The following UROC1 variants were observed in gnomAD, a reference collection of about 807,000 sequenced individuals.
UROC1 encodes urocanate hydratase 1.
Under a neutral mutation model 89.5 loss-of-function variants are expected in UROC1, and 79 were observed. The ratio of observed to expected loss-of-function variants is 0.88; its 90% confidence interval spans 0.74 to 1.06. The LOEUF is 1.06. Among genes scored for constraint, UROC1 ranks in the 50% least tolerant of loss-of-function variants. UROC1 has a pLI of 0.00. For synonymous variants in UROC1, 361 were observed against 354.8 expected (o/e 1.02, Z -0.20); for missense variants, 885 against 907.8 (o/e 0.97, Z 0.32).
At chr3:126,497,539 G>T (rs1202837987) in intron 14 of UROC1, among the ~76,000 whole-genome samples, 1 of 152,224 alleles carries the variant, frequency 6.6e-6, no homozygotes, top group African/African-American at 2.4e-5. Context: ...GGGAGCATGT[G>T]GAGACAGCTT....
chr3:126,482,215 C>CGTGG lies in UROC1; in HGVS notation c.*129_*130insCCAC, dbSNP rs532914244. 9 of 1,392,616 alleles carry CGTGG rather than the reference C, an allele frequency of 6.5e-6. No individual in the cohort carries two copies. The East Asian group carries it at 2.1e-4, about 32-fold the overall frequency. 86.3% of individuals were successfully genotyped at this position (1,392,616 alleles called of 1,614,324 possible). On this transcript the variant is annotated 3_prime_UTR_variant, in exon 20 of 20. Transcript: ENST00000290868. The stretch of plus-strand genomic sequence containing the variant: ...CTGTGGTGGCACCCTGCACAGGGCA[C>CGTGG]CATAAGGGCCACGTGAGGATGTGCG...
Position 126,508,401 on chromosome 3 carries a change from C to T in UROC1, c.411+15G>A. 1.2e-6 allele frequency: 2 copies of T among 1,613,492 alleles called. No homozygotes were observed. Among genetic ancestry groups the T allele is most frequent in the Non-Finnish European group, 1.7e-6 (2 of 1,179,532 alleles). ...AAGGCCAGGGGTGGGGACGAGGCCA[C>T]ACGGTGTGCAGTACCTGAGCCCAGT... On this transcript the variant is annotated intron_variant, in intron 4 of 19. Coordinates refer to ENST00000290868, the MANE Select transcript of UROC1 (RefSeq NM_144639.3).
chr3:126,488,716 A>G (rs770778167), intron 17 of UROC1, among the ~76,000 whole-genome samples: 1 of 152,188 alleles, frequency 6.6e-6, no homozygotes, highest in Non-Finnish European at 1.5e-5. Flanking sequence ...CCAACCTGAA[A>G]CCTGGGGACT....
intron 15 of UROC1, among the ~76,000 whole-genome samples, chr3:126,495,395 T>G (rs747398042): frequency 8.5e-5 from 13 of 152,178 alleles, no homozygotes; most frequent in Non-Finnish European, 1.5e-4. Context: ...CATGGAACCA[T>G]GCAGTATTTG....
chr3:126,515,979 C>T (rs1463589946), intron 1 of UROC1, among the ~76,000 whole-genome samples: 1 of 39,328 alleles, frequency 2.5e-5, no homozygotes, highest in Admixed American at 2.6e-4. Flanking sequence ...ACCCTCTCCG[C>T]CCCCCAATGT....
Position 126,504,043 on chromosome 3 carries a change from C to A in UROC1, c.854G>T (p.Trp285Leu). ...AALEKRHRQG[W>L]LMEVTDSLDR... The stretch of plus-strand genomic sequence containing the variant: ...CAAGCTGTCAGTCACTTCCATCAGC[C>A]AGCCCTGCCTGTGGCGTTTCTCAAG... Residue 285 changes from tryptophan (W) to leucine (L), a missense_variant, in exon 9 of 20, where the codon TGG (tryptophan) becomes TTG (leucine). Coordinates refer to ENST00000290868, the MANE Select transcript of UROC1 (RefSeq NM_144639.3). The A allele has an allele frequency of 6.2e-7, 1 of 1,614,196 alleles. No homozygotes were observed. Among genetic ancestry groups the A allele is most frequent in the Non-Finnish European group, 8.5e-7 (1 of 1,180,038 alleles).
intron 16 of UROC1, among the ~76,000 whole-genome samples, chr3:126,491,415 C>T (rs899960306): frequency 6.6e-6 from 1 of 152,232 alleles, no homozygotes; most frequent in Non-Finnish European, 1.5e-5. Context: ...TGCTTACTGA[C>T]CCCTTTCTGC....
intron 19 of UROC1, 144 bp from the exon 20 acceptor site, chr3:126,482,629 T>A: frequency 7.9e-7 from 1 of 1,258,112 alleles, no homozygotes; most frequent in Admixed American, 1.9e-5. Context: ...CTGCCCCATT[T>A]CCACCCCCAG....
chr3:126,505,885 C>A lies in UROC1; in HGVS notation c.670-41G>T, dbSNP rs762874650. On this transcript the variant is annotated intron_variant, in intron 7 of 19. Coordinates refer to ENST00000290868, the MANE Select transcript of UROC1 (RefSeq NM_144639.3). ...GTGGGGGCTCACTGCCCACTCCCAG[C>A]CCGCCCCCTCCACCCCCCATGCTGG... The A allele has an allele frequency of 2.5e-6, 4 of 1,610,466 alleles. No individual in the cohort carries two copies. The Admixed American group carries it at 5.0e-5, about 20-fold the overall frequency.
intron 1 of UROC1, among the ~76,000 whole-genome samples, chr3:126,515,489 A>G (rs1294818919): frequency 3.3e-5 from 3 of 91,054 alleles, no homozygotes; most frequent in Non-Finnish European, 6.5e-5. Flanking sequence ...AGCACCTACC[A>G]CCTACCCCTT....
At chr3:126,501,900 A>G in intron 9 of UROC1, 11 of 1,599,348 alleles carry the variant, frequency 6.9e-6, no homozygotes, top group Non-Finnish European at 9.3e-6. Context: ...CCAGGGCAGC[A>G]GGGAGGCCGG....
intron 9 of UROC1, chr3:126,501,656 T>G (rs570528054): frequency 1.8e-6 from 2 of 1,099,166 alleles, no homozygotes; most frequent in African/African-American, 1.6e-5. Context: ...CCAAAATTAT[T>G]CGGAAAAATA....
chr3:126,503,364 G>C (rs3108333), intron 9 of UROC1, among the ~76,000 whole-genome samples: 133,003 of 152,288 alleles, frequency 0.87, 58,418 homozygotes, highest in East Asian at 0.94. Flanking sequence ...CTCTGCTCTG[G>C]GCAGTAAATT....
intron 9 of UROC1, chr3:126,502,070 ATG>A (rs149748177): frequency 0.24 from 226,342 of 944,822 alleles, 33,143 homozygotes; most frequent in Middle Eastern, 0.28. Context: ...ATGTATGTGT[ATG>A]TGTGTGTGTT....
intron 1 of UROC1, 107 bp from the exon 2 acceptor site, chr3:126,510,901 C>A: frequency 6.7e-7 from 1 of 1,482,278 alleles, no homozygotes; most frequent in Non-Finnish European, 9.0e-7. Context: ...CTCTGCTCCA[C>A]TCAGAAGCCT....
rs1185096283 is a variant in UROC1 at position 126,482,209 on chromosome 3, A to G, written c.*136T>C. The G allele has an allele frequency of 3.3e-5, 43 of 1,312,460 alleles. No homozygotes were observed. Among genetic ancestry groups the G allele is most frequent in the South Asian group, 8.0e-5 (6 of 74,662 alleles). The allele number at this position is 1,312,460 out of a possible 1,614,324, so 81.3% of individuals were successfully genotyped here. On this transcript the variant is annotated 3_prime_UTR_variant, in exon 20 of 20. Transcript: ENST00000290868. ...ATGAGGCTGTGGTGGCACCCTGCACAGGGCACCATAAGGGCCACGTGAGGA... is the reference window on the plus strand; with the variant it reads ...ATGAGGCTGTGGTGGCACCCTGCACGGGGCACCATAAGGGCCACGTGAGGA...
intron 1 of UROC1, among the ~76,000 whole-genome samples, chr3:126,511,818 G>T (rs1400973000): frequency 1.3e-5 from 2 of 152,162 alleles, no homozygotes; most frequent in Non-Finnish European, 2.9e-5. Context: ...TTTTCCCCTT[G>T]TATAAAATTT....
chr3:126,507,985 G>C lies in UROC1; in HGVS notation c.522C>G (p.Leu174=), dbSNP rs1216281433. 5 of 1,613,832 alleles carry C rather than the reference G, an allele frequency of 3.1e-6. No homozygotes were observed. The African/African-American group carries it at 6.7e-5, about 22-fold the overall frequency. ...LFPSSRSAPR[L]VITNGMVIPN... is the part of the protein sequence containing the mutation. ...GACCCACCATCCCATTGGTGATGAC[G>C]AGCCGTGGGGCACTGCGGCTGCTGG... The change falls in exon 5 of 20, where the codon CTC becomes CTG. Residue 174 remains leucine (L), a synonymous_variant. Transcript: ENST00000290868.
rs545324454 is a variant in UROC1 at position 126,517,621 on chromosome 3, G to T, written c.99C>A (p.Thr33=). 6.2e-7 allele frequency: 1 copy of T among 1,612,170 alleles called. No individual in the cohort carries two copies. Among genetic ancestry groups the T allele is most frequent in the South Asian group, 1.1e-5 (1 of 91,016 alleles). Residue 33 remains threonine (T), a synonymous_variant, in exon 1 of 20, where the codon ACC becomes ACA. Transcript: ENST00000290868. Reference sequence around the variant, plus strand: ...GTTTCTCCACAGGGCTGAGGCTGGGGGTCCTGACAGGGGCATGGGGCACCC... The same window carrying T: ...GTTTCTCCACAGGGCTGAGGCTGGGTGTCCTGACAGGGGCATGGGGCACCC... ...QAGVPHAPVR[T]PSLSPVEKQL... is the part of the protein sequence containing the mutation.
Sources: allele counts gnomAD v4.1 joint callset (sites outside exome capture counted in the v4.1 genomes callset), GRCh38; gene constraint gnomAD v4.1.1; transcripts MANE v1.5; gene names NCBI Gene and HGNC (gene_info 2026-07-23, HGNC 2026-07-21).